PRKAR1B: variants seen among roughly 807,000 people sequenced by gnomAD.
PRKAR1B encodes cAMP-dependent protein kinase type I-beta regulatory subunit.
In PRKAR1B, 22 loss-of-function variants were observed where a neutral mutation model predicts 46.5. The observed-to-expected ratio is 0.47, with a 90% confidence interval of 0.34 to 0.68. The LOEUF (loss-of-function observed/expected upper bound fraction) is 0.68. PRKAR1B is among the 30% of genes least tolerant of loss of function. The pLI is 0.01. For synonymous variants in PRKAR1B, 259 were observed against 217.7 expected (o/e 1.19, Z -1.67); for missense variants, 445 against 535.6 (o/e 0.83, Z 1.67).
At chr7:685,367 CATATATATATATACATACATAT>C (rs1779026280) in intron 2 of PRKAR1B, among the ~76,000 whole-genome samples, 1 of 30,242 alleles carries the variant, frequency 3.3e-5, no homozygotes, top group Admixed American at 4.7e-4. Flanking sequence ...TATATATACA[CATATATATATATACATACATAT>C]ATATATATAT....
chr7:567,613 G>C (rs1249433346), intron 9 of PRKAR1B, among the ~76,000 whole-genome samples: 1 of 152,126 alleles, frequency 6.6e-6, no homozygotes, highest in Admixed American at 6.6e-5. Context: ...AGCAGCAGCA[G>C]TAGCAGCAAA....
intron 4 of PRKAR1B, among the ~76,000 whole-genome samples, chr7:673,212 G>A (rs1424225333): frequency 6.6e-6 from 1 of 152,090 alleles, no homozygotes; most frequent in South Asian, 2.1e-4. Context: ...GGACCAGAAA[G>A]GGCTCTCTCT....
At chr7:635,530 G>A (rs1783997902) in intron 4 of PRKAR1B, among the ~76,000 whole-genome samples, 1 of 152,166 alleles carries the variant, frequency 6.6e-6, no homozygotes. Context: ...GCTGGGACCC[G>A]AGGGCCCCTT....
chr7:685,391 T>TATATGTATATATATACATAC lies in PRKAR1B; in HGVS notation c.178-4666_178-4665insGTATGTATATATATACATAT, dbSNP rs2075462366. On this transcript the variant is annotated intron_variant, in intron 2 of 10. Coordinates refer to ENST00000537384, the MANE Select transcript of PRKAR1B (RefSeq NM_001164760.2). ...ACATATATATATATACATACATATA[T>TATATGTATATATATACATAC]ATATATATATGTATATATATACCAA... is the stretch of plus-strand genomic sequence containing the variant. Among the ~76,000 whole-genome samples the TATATGTATATATATACATAC allele has an allele frequency of 4.1e-5, 5 of 123,036 alleles. No individual in the cohort carries two copies. The Admixed American group carries it at 4.1e-4, about 10-fold the overall frequency. 80.7% of individuals were successfully genotyped at this position (123,036 alleles called of 152,430 possible).
intron 4 of PRKAR1B, among the ~76,000 whole-genome samples, chr7:659,007 C>T (rs1785357173): frequency 6.6e-6 from 1 of 152,054 alleles, no homozygotes; most frequent in South Asian, 2.1e-4. Context: ...AAAGAGTCAC[C>T]AACATGGGTC....
At chr7:660,925 G>T (rs1328199433) in intron 4 of PRKAR1B, among the ~76,000 whole-genome samples, 5 of 121,028 alleles carry the variant, frequency 4.1e-5, no homozygotes, top group Non-Finnish European at 5.1e-5. Context: ...CATGGCACAG[G>T]TCCCCAACCC....
At chr7:648,945 C>T (rs113795691) in intron 4 of PRKAR1B, among the ~76,000 whole-genome samples, 1 of 152,136 alleles carries the variant, frequency 6.6e-6, no homozygotes, top group African/African-American at 2.4e-5. Flanking sequence ...AGGTGGATCG[C>T]CTGAGGTCAG....
At chr7:656,937 G>GAATGAA (rs1785234965) in intron 4 of PRKAR1B, among the ~76,000 whole-genome samples, 1 of 116,498 alleles carries the variant, frequency 8.6e-6, no homozygotes, top group African/African-American at 3.4e-5. Flanking sequence ...GAATGAATGA[G>GAATGAA]TGAACGAATG....
chr7:550,777 T>C (rs1200468333), intron 10 of PRKAR1B, among the ~76,000 whole-genome samples, 175 bp from the exon 11 acceptor site: 3 of 152,222 alleles, frequency 2.0e-5, no homozygotes, highest in African/African-American at 4.8e-5. Context: ...ATTTGGGATA[T>C]ACTTATGCTA....
intron 4 of PRKAR1B, among the ~76,000 whole-genome samples, chr7:609,032 T>G (rs527502232): frequency 1.0e-5 from 1 of 98,770 alleles, no homozygotes; most frequent in Non-Finnish European, 2.2e-5. Context: ...GGGCCTCCAC[T>G]GTCCTCCCAC....
In PRKAR1B at chr7:549,935, CCTTGACTT is replaced by C. The variant is rs984426929; in HGVS notation, c.*487_*494del. 1.3e-5 allele frequency: 2 copies of C among 159,504 alleles called. No individual in the cohort carries two copies. Among genetic ancestry groups the C allele is most frequent in the African/African-American group, 4.8e-5 (2 of 41,456 alleles). The allele number at this position is 159,504 out of a possible 1,614,324, so 9.9% of individuals were successfully genotyped here. Reference sequence around the variant, plus strand: ...CAGGGGTACACATTTGCGGGAGGGGCCTTGACTTCTTCGGCCTCAACTCCCTGCTCTCA... The same window carrying C: ...CAGGGGTACACATTTGCGGGAGGGGCCTTCGGCCTCAACTCCCTGCTCTCA... On this transcript the variant is annotated 3_prime_UTR_variant, in exon 11 of 11. Transcript: ENST00000537384.
intron 1 of PRKAR1B, chr7:726,886 G>A: frequency 7.5e-7 from 1 of 1,330,312 alleles, no homozygotes; most frequent in Non-Finnish European, 9.6e-7. Flanking sequence ...CCTGCGGCGC[G>A]CGCTGGAGGA....
At position 644,195 on chromosome 7, in the gene PRKAR1B, G is replaced by A. The variant is rs1381791289; in HGVS notation, c.440+33034C>T. Among the ~76,000 whole-genome samples, 1 of 152,140 alleles carries A rather than the reference G, an allele frequency of 6.6e-6. No homozygotes were observed. The highest frequency in any genetic ancestry group is 6.5e-5 in the Admixed American group (1 of 15,278). On this transcript the variant is annotated intron_variant, in intron 4 of 10. Coordinates refer to ENST00000537384, the MANE Select transcript of PRKAR1B (RefSeq NM_001164760.2). This position sits in a 1 kb window ranked among gnomAD's most constrained non-coding sequence, Gnocchi z 4.9. Reference sequence around the variant, plus strand: ...GGCAGCACAGGGCACCGACAGGCGGGATGTTCAACCTGCGTCAGGATGAAC... The same window carrying A: ...GGCAGCACAGGGCACCGACAGGCGGAATGTTCAACCTGCGTCAGGATGAAC...
At chr7:692,987 G>T (rs1583427785) in intron 2 of PRKAR1B, among the ~76,000 whole-genome samples, 1 of 151,810 alleles carries the variant, frequency 6.6e-6, no homozygotes, top group East Asian at 1.9e-4. Context: ...CAGGCTGGAG[G>T]GCAGTGGTGC....
intron 4 of PRKAR1B, among the ~76,000 whole-genome samples, chr7:638,263 A>C (rs75009753): frequency 0.027 from 4,152 of 152,322 alleles, 64 homozygotes; most frequent in African/African-American, 0.032. Flanking sequence ...AGGGCAACGA[A>C]TGTTTAGCTG....
chr7:586,641 T>C (rs544972211), intron 7 of PRKAR1B, among the ~76,000 whole-genome samples: 1 of 152,298 alleles, frequency 6.6e-6, no homozygotes, highest in South Asian at 2.1e-4. Context: ...ATGGAACAAA[T>C]GTAACACTGT....
chr7:676,164 T>G (rs1206846192), intron 4 of PRKAR1B, among the ~76,000 whole-genome samples: 1 of 152,048 alleles, frequency 6.6e-6, no homozygotes, highest in Admixed American at 6.6e-5. Context: ...CCCCCAAATA[T>G]CCCCAAGGAT....
At chr7:671,305 G>C (rs1786241796) in intron 4 of PRKAR1B, among the ~76,000 whole-genome samples, 1 of 152,306 alleles carries the variant, frequency 6.6e-6, no homozygotes, top group South Asian at 2.1e-4. Flanking sequence ...GAACAGCTCA[G>C]GGGGCTCCCC....
Position 643,028 on chromosome 7 carries a change from CTG to C in PRKAR1B, c.440+34199_440+34200del, listed in dbSNP as rs1271473211. Among the ~76,000 whole-genome samples, 3 of 151,554 alleles carry C rather than the reference CTG, an allele frequency of 2.0e-5. 1 individual carries two copies. The highest frequency in any genetic ancestry group is 7.3e-5 in the African/African-American group (3 of 40,862). On this transcript the variant is annotated intron_variant, in intron 4 of 10. Transcript: ENST00000537384. The stretch of plus-strand genomic sequence containing the variant: ...GGGATGTGGAGTAGTACCTGGAATT[CTG>C]TGTACGGCAGAGCCTGGCACATAGC...
Sources: gnomAD v4.1 joint callset for allele counts (sites outside exome capture counted in the v4.1 genomes callset) on GRCh38, gnomAD v4.1.1 for gene constraint, Gnocchi (gnomAD v3.1) non-coding constraint, MANE v1.5 for transcripts, NCBI Gene and HGNC (gene_info 2026-07-23, HGNC 2026-07-21) for gene names.